GRID2: variants seen among roughly 807,000 people sequenced by gnomAD.
GRID2 encodes glutamate ionotropic receptor delta type subunit 2.
GRID2 carries 33 observed loss-of-function variants against 114.8 expected under a neutral mutation model. The observed-to-expected ratio is 0.29, with a 90% CI of 0.22 to 0.38. The LOEUF (loss-of-function observed/expected upper bound fraction) is 0.38. Ranked by LOEUF, GRID2 falls within the 10% of genes least tolerant of loss-of-function variation. The probability of loss-of-function intolerance (pLI) is 1.00; values close to 1 mark genes in which losing one functional copy is unlikely to be tolerated. For missense variants in GRID2, 1,184 were observed against 1,257.7 expected (o/e 0.94, Z 0.89); for synonymous variants, 505 against 449.9 (o/e 1.12, Z -1.55).
At chr4:93,583,879 C>G (rs1737253121) in intron 13 of GRID2, among the ~76,000 whole-genome samples, 1 of 152,054 alleles carries the variant, frequency 6.6e-6, no homozygotes, top group Non-Finnish European at 1.5e-5. Context: ...ACAACAACAA[C>G]TAGAACTTCA....
At chr4:93,052,923 A>T (rs1726862392) in intron 2 of GRID2, among the ~76,000 whole-genome samples, 1 of 151,882 alleles carries the variant, frequency 6.6e-6, no homozygotes, top group Non-Finnish European at 1.5e-5. Flanking sequence ...ATAGGGCCAC[A>T]CAAAATTTAG....
At chr4:93,309,246 T>C (rs1343410551) in intron 8 of GRID2, among the ~76,000 whole-genome samples, 1 of 152,096 alleles carries the variant, frequency 6.6e-6, no homozygotes, top group African/African-American at 2.4e-5. Context: ...CAAGAATTAA[T>C]GAATGAGGCA....
intron 8 of GRID2, among the ~76,000 whole-genome samples, chr4:93,370,674 A>G (rs1762804787): frequency 6.6e-6 from 1 of 152,016 alleles, no homozygotes; most frequent in Non-Finnish European, 1.5e-5. Context: ...AACTTGGCCA[A>G]CTATTATATT....
intron 2 of GRID2, among the ~76,000 whole-genome samples, chr4:92,832,732 A>G (rs1471537437): frequency 6.6e-6 from 1 of 152,038 alleles, no homozygotes; most frequent in Non-Finnish European, 1.5e-5. Context: ...GGTTGCAGTG[A>G]GCCGAGATCA....
intron 13 of GRID2, among the ~76,000 whole-genome samples, chr4:93,539,670 C>T (rs1732457897): frequency 6.6e-6 from 1 of 152,000 alleles, no homozygotes; most frequent in African/African-American, 2.4e-5. Context: ...CATGCCTGAA[C>T]ACATCACTAT....
At chr4:92,676,262 G>C (rs1733364559) in intron 2 of GRID2, among the ~76,000 whole-genome samples, 1 of 149,568 alleles carries the variant, frequency 6.7e-6, no homozygotes, top group African/African-American at 2.5e-5. Flanking sequence ...CTCACTGCAA[G>C]TCCGCCTCCC....
intron 2 of GRID2, among the ~76,000 whole-genome samples, chr4:92,912,261 A>G (rs931945539): frequency 4.0e-5 from 6 of 151,862 alleles, no homozygotes; most frequent in African/African-American, 1.4e-4. Context: ...ACTACACATG[A>G]TGTTCATCTG....
chr4:92,482,879 CTA>C (rs1222189802), intron 1 of GRID2, among the ~76,000 whole-genome samples: 9 of 152,140 alleles, frequency 5.9e-5, no homozygotes, highest in African/African-American at 1.9e-4. Context: ...TCTCTAAATT[CTA>C]TGTCTATCAT....
At chr4:93,242,373 C>T (rs1051749228) in intron 8 of GRID2, among the ~76,000 whole-genome samples, 1 of 151,888 alleles carries the variant, frequency 6.6e-6, no homozygotes, top group Non-Finnish European at 1.5e-5. Context: ...TACTAATCTA[C>T]ACAGTTGTGG....
intron 10 of GRID2, among the ~76,000 whole-genome samples, chr4:93,436,878 T>C (rs1188086216): frequency 1.3e-5 from 2 of 152,086 alleles, no homozygotes. Context: ...CGAAAGCAAA[T>C]ATATTGCAAT....
chr4:93,176,969 CTTG>C (rs1739400828), intron 4 of GRID2, among the ~76,000 whole-genome samples: 1 of 152,092 alleles, frequency 6.6e-6, no homozygotes, highest in Non-Finnish European at 1.5e-5. Context: ...CGTTTCTCAC[CTTG>C]TTGTCATTAG....
chr4:92,729,432 T>C (rs1736224220), intron 2 of GRID2, among the ~76,000 whole-genome samples: 1 of 152,046 alleles, frequency 6.6e-6, no homozygotes, highest in Non-Finnish European at 1.5e-5. Flanking sequence ...TTTTAGTTTT[T>C]ATTTTTGATT....
At chr4:93,602,980 C>G (rs564249674) in intron 13 of GRID2, among the ~76,000 whole-genome samples, 1 of 152,258 alleles carries the variant, frequency 6.6e-6, no homozygotes, top group African/African-American at 2.4e-5. Context: ...GAGGCCGAGG[C>G]GGGCAAATCA....
chr4:92,974,182 AAAC>A (rs1440944485), intron 2 of GRID2, among the ~76,000 whole-genome samples: 3 of 152,160 alleles, frequency 2.0e-5, no homozygotes, highest in African/African-American at 7.2e-5. Flanking sequence ...AGAAGTCAGG[AAAC>A]AACAGATGCT....
At position 93,796,543 on chromosome 4, in the gene GRID2, GTT is replaced by G. The variant is rs533037554; in HGVS notation, c.222-10170_222-10169del. ...TCATGGAAATGTACTTCTTTTGTTT[GTT>G]TGTTTGTTTGTTTTTTGAGACGGAG... On this transcript the variant is annotated intron_variant, in intron 1 of 1. Coordinates refer to the GRID2 transcript ENST00000637838. Among the ~76,000 whole-genome samples, 558 of 152,078 alleles carry G rather than the reference GTT, an allele frequency of 3.7e-3. 5 individuals carry two copies. Among genetic ancestry groups the G allele is most frequent in the Middle Eastern group, 6.8e-3 (2 of 294 alleles).
In GRID2 at chr4:93,380,621, T is replaced by A. The variant is rs114788933; in HGVS notation, c.1246-14986T>A. On this transcript the variant is annotated intron_variant, in intron 8 of 15. Coordinates refer to ENST00000282020, the MANE Select transcript of GRID2 (RefSeq NM_001510.4). ...CATTTAAAAAGGAAAAGTTTTAAGA[T>A]ATAAAAGAAAGTCTTGAGAAAACAA... Among the ~76,000 whole-genome samples, 1,147 of 151,992 alleles carry A rather than the reference T, an allele frequency of 7.5e-3. 15 individuals are homozygous for A. Among genetic ancestry groups the A allele is most frequent in the African/African-American group, 0.026 (1,076 of 41,466 alleles).
intron 13 of GRID2, among the ~76,000 whole-genome samples, chr4:93,590,541 C>G (rs1738131115): frequency 6.6e-6 from 1 of 151,580 alleles, no homozygotes; most frequent in South Asian, 2.1e-4. Context: ...GATGCGGGCT[C>G]TTTTTTGGTT....
intron 2 of GRID2, among the ~76,000 whole-genome samples, chr4:92,923,042 T>G (rs1749496296): frequency 6.6e-6 from 1 of 152,230 alleles, no homozygotes; most frequent in Non-Finnish European, 1.5e-5. Context: ...GCATGTGCAT[T>G]ATACCTCAAT....
chr4:93,457,017 A>G (rs1420523101), intron 11 of GRID2, among the ~76,000 whole-genome samples: 1 of 152,132 alleles, frequency 6.6e-6, no homozygotes, highest in African/African-American at 2.4e-5. Context: ...TAATTAATTC[A>G]GTAAATATTT....
Sources: allele counts gnomAD v4.1 joint callset (sites outside exome capture counted in the v4.1 genomes callset), GRCh38; gene constraint gnomAD v4.1.1; transcripts MANE v1.5; gene names NCBI Gene and HGNC (gene_info 2026-07-23, HGNC 2026-07-21).